The following COL14A1 variants were observed in gnomAD, a reference collection of about 807,000 sequenced individuals.
COL14A1 encodes collagen alpha-1(XIV) chain.
Under a neutral mutation model 230.3 loss-of-function variants are expected in COL14A1, and 136 were observed. The ratio of observed to expected loss-of-function variants is 0.59; its 90% CI spans 0.51 to 0.68. The LOEUF is 0.68. COL14A1 is among the 30% of genes least tolerant of loss of function. COL14A1 has a pLI of 0.00. For missense variants in COL14A1, 1,976 were observed against 2,215.8 expected (o/e 0.89, Z 2.17); for synonymous variants, 792 against 784.1 (o/e 1.01, Z -0.17).
chr8:120,143,680 T>C (rs1814994482), intron 1 of COL14A1, among the ~76,000 whole-genome samples: 1 of 151,964 alleles, frequency 6.6e-6, no homozygotes, highest in African/African-American at 2.4e-5. Flanking sequence ...ATAAACAATA[T>C]GGAGTATTTT....
intron 24 of COL14A1, among the ~76,000 whole-genome samples, chr8:120,266,451 G>C (rs7827901): frequency 0.69 from 105,590 of 151,968 alleles, 38,370 homozygotes; most frequent in African/African-American, 0.92. Flanking sequence ...GATTGATGGT[G>C]AATCCTTAGG....
rs1820955520 is a variant in COL14A1 at position 120,309,413 on chromosome 8, T to C, written c.4402-596T>C. On this transcript the variant is annotated intron_variant, in intron 36 of 47. Transcript: ENST00000297848. ...ACATGTGTTTAGACACATATGAACA[T>C]ATATACAGGGAATATATACACATAT... is the stretch of plus-strand genomic sequence containing the variant. Among the ~76,000 whole-genome samples the C allele has an allele frequency of 2.0e-5, 3 of 152,112 alleles. No homozygotes were observed. The South Asian group carries it at 6.2e-4, about 31-fold the overall frequency.
At chr8:120,371,125 G>A (rs766366773) in intron 47 of COL14A1, 27 bp from the exon 48 acceptor site, 6 of 1,562,368 alleles carry the variant, frequency 3.8e-6, no homozygotes, top group Non-Finnish European at 5.2e-6. Context: ...GGTGCAGCAA[G>A]TCCCCACCCC....
At chr8:120,230,645 T>C (rs1818238633) in intron 18 of COL14A1, among the ~76,000 whole-genome samples, 1 of 152,126 alleles carries the variant, frequency 6.6e-6, no homozygotes, top group Non-Finnish European at 1.5e-5. Context: ...GCCAGGTAAA[T>C]GTCAACCCCC....
Position 120,321,063 on chromosome 8 carries a change from A to G in COL14A1, c.4659+5066A>G, listed in dbSNP as rs75695372. On this transcript the variant is annotated intron_variant, in intron 40 of 47. Transcript: ENST00000297848. ...TCACTCTTTCTTTCCACAAAATTAT[A>G]TTAGTAAAGATCACCACAGGATTTT... 2.4e-3 allele frequency among the ~76,000 whole-genome samples: 362 copies of G among 152,312 alleles called. 8 individuals carry two copies. The East Asian group carries it at 0.031, about 13-fold the overall frequency.
At chr8:120,262,543 G>A in intron 23 of COL14A1, among the ~76,000 whole-genome samples, 1 of 152,078 alleles carries the variant, frequency 6.6e-6, no homozygotes, top group Non-Finnish European at 1.5e-5. Flanking sequence ...CCTCACATCT[G>A]CATCTGTCCA....
intron 42 of COL14A1, among the ~76,000 whole-genome samples, chr8:120,340,672 T>C (rs1042367459): frequency 6.6e-6 from 1 of 152,216 alleles, no homozygotes; most frequent in Non-Finnish European, 1.5e-5. Flanking sequence ...TTAAAGTAGA[T>C]GCGCTTTAAT....
At chr8:120,169,823 G>A (rs1816040217) in intron 5 of COL14A1, among the ~76,000 whole-genome samples, 1 of 151,820 alleles carries the variant, frequency 6.6e-6, no homozygotes, top group Non-Finnish European at 1.5e-5. Context: ...TATTAAATAT[G>A]TTAGATATAA....
chr8:120,202,178 T>C (rs1817271088), intron 8 of COL14A1, among the ~76,000 whole-genome samples: 2 of 152,186 alleles, frequency 1.3e-5, no homozygotes, highest in African/African-American at 4.8e-5. Context: ...ATGTTTATTC[T>C]CCATTTTCTG....
intron 34 of COL14A1, among the ~76,000 whole-genome samples, chr8:120,293,899 C>A (rs997618359): frequency 1.3e-5 from 2 of 151,786 alleles, no homozygotes; most frequent in African/African-American, 4.8e-5. Flanking sequence ...TAATCAGTGC[C>A]TTCGTGGTTT....
intron 19 of COL14A1, among the ~76,000 whole-genome samples, chr8:120,243,667 A>G (rs1270916183): frequency 6.7e-6 from 1 of 150,028 alleles, no homozygotes; most frequent in Non-Finnish European, 1.5e-5. Flanking sequence ...TGTCAAATTT[A>G]AACCTTCTGT....
At chr8:120,135,689 G>C (rs1814688828) in intron 1 of COL14A1, among the ~76,000 whole-genome samples, 1 of 151,814 alleles carries the variant, frequency 6.6e-6, no homozygotes, top group Admixed American at 6.6e-5. Flanking sequence ...TGAATCTATA[G>C]ATTATCTTAA....
intron 23 of COL14A1, among the ~76,000 whole-genome samples, chr8:120,262,089 G>C (rs576036563): frequency 6.6e-6 from 1 of 152,172 alleles, no homozygotes; most frequent in African/African-American, 2.4e-5. Flanking sequence ...GTGGTAATAA[G>C]TTATATGAGG....
At chr8:120,164,608 C>G (rs1206115778) in intron 4 of COL14A1, among the ~76,000 whole-genome samples, 3 of 152,134 alleles carry the variant, frequency 2.0e-5, no homozygotes, top group African/African-American at 7.2e-5. Flanking sequence ...AACTTCTGAA[C>G]AAAGACATTT....
At chr8:120,230,835 A>G (rs1322971536) in intron 18 of COL14A1, among the ~76,000 whole-genome samples, 1 of 152,234 alleles carries the variant, frequency 6.6e-6, no homozygotes, top group Non-Finnish European at 1.5e-5. Flanking sequence ...AGGGTAGAAG[A>G]GAAAAGAAAA....
At chr8:120,247,559 C>T in intron 20 of COL14A1, 54 bp from the exon 21 acceptor site, 1 of 1,560,968 alleles carries the variant, frequency 6.4e-7, no homozygotes, top group Non-Finnish European at 8.7e-7. Flanking sequence ...CAGTGTAGGA[C>T]ATAAAGAAGG....
In COL14A1 at chr8:120,298,459, G is replaced by A. The variant is rs140060341; in HGVS notation, c.4314+871G>A. Among the ~76,000 whole-genome samples, 6 of 150,162 alleles carry A rather than the reference G, an allele frequency of 4.0e-5. No individual in the cohort carries two copies. In the East Asian group the frequency reaches 6.0e-4, roughly 15 times the overall value. ...AAAGTTATTTATACCAAGTGATGGT[G>A]TAAATATTTATGTCCTAACAACTCA... On this transcript the variant is annotated intron_variant, in intron 35 of 47. Coordinates refer to ENST00000297848, the MANE Select transcript of COL14A1 (RefSeq NM_021110.4).
rs551443956 is a variant in COL14A1 at position 120,319,389 on chromosome 8, G to A, written c.4659+3392G>A. Among the ~76,000 whole-genome samples the A allele has an allele frequency of 5.0e-4, 76 of 151,968 alleles. 1 individual carries two copies. Among genetic ancestry groups the A allele is most frequent in the Middle Eastern group, 3.4e-3 (1 of 294 alleles). ...GGGGTCTTGCTGTGTTGCCCAGGGT[G>A]GTCTCAAACACCTGGCTTCAAGCGA... On this transcript the variant is annotated intron_variant, in intron 40 of 47. Transcript: ENST00000297848.
Position 120,342,413 on chromosome 8 carries a change from G to C in COL14A1, c.4855G>C (p.Val1619Leu), listed in dbSNP as rs778096054. The change falls in exon 44 of 48, where the codon GTG becomes CTG. Residue 1619 changes from valine to leucine, a missense_variant. Val to Leu is a conservative substitution (Grantham distance 32). Coordinates refer to ENST00000297848, the MANE Select transcript of COL14A1 (RefSeq NM_021110.4). ...GCAGTCTCAAGCCATGGTGAGATCA[G>C]TGGCGCGTCAAGTATGCGAACAGCT... ...DLQSQAMVRS[V>L]ARQVCEQLIQ... The C allele has an allele frequency of 3.7e-6, 6 of 1,614,060 alleles. No individual in the cohort carries two copies. Among genetic ancestry groups the C allele is most frequent in the Non-Finnish European group, 4.2e-6 (5 of 1,179,932 alleles).
Sources: gnomAD v4.1 joint callset for allele counts (sites outside exome capture counted in the v4.1 genomes callset) on GRCh38, gnomAD v4.1.1 for gene constraint, MANE v1.5 for transcripts, NCBI Gene and HGNC (gene_info 2026-07-23, HGNC 2026-07-21) for gene names.